The following TECRL variants were observed in gnomAD, a reference collection of about 807,000 sequenced individuals.
TECRL encodes trans-2,3-enoyl-CoA reductase like.
TECRL carries 63 observed loss-of-function variants against 52.8 expected under a neutral mutation model. The observed-to-expected ratio is 1.19, with a 90% CI of 0.97 to 1.47. The LOEUF is 1.47. Among genes scored for constraint, TECRL ranks in the 40% most tolerant of loss-of-function variants. The pLI, the probability that TECRL is intolerant of heterozygous loss-of-function variation, is 0.00. For missense variants in TECRL, 482 were observed against 429.6 expected (o/e 1.12, Z -1.08); for synonymous variants, 164 against 141.9 (o/e 1.16, Z -1.10).
chr4:64,400,000 A>T (rs1029023428), intron 1 of TECRL, among the ~76,000 whole-genome samples: 26 of 152,250 alleles, frequency 1.7e-4, no homozygotes, highest in Admixed American at 8.5e-4. Context: ...CCCAAGAATG[A>T]TATATCCACC....
rs1398512194 is a variant in TECRL, at chr4:64,280,144, T to A, written c.1020A>T (p.Lys340Asn). ...SIQMSLWAQKKHKIYLRKFNS... is the reference protein window; with the variant it reads ...SIQMSLWAQKNHKIYLRKFNS... ...TGAATTTTCTCAGATAAATCTTATG[T>A]TTCTTTTGTGCCCACAAAGACATCT... Residue 340 changes from lysine to asparagine, a missense_variant, in exon 12 of 12, where the codon AAA becomes AAT. Lys to Asn is a moderately conservative substitution (Grantham distance 94, BLOSUM62 0). Coordinates refer to ENST00000381210, the MANE Select transcript of TECRL (RefSeq NM_001010874.5). 3.1e-6 allele frequency: 5 copies of A among 1,603,938 alleles called. No individual in the cohort carries two copies. Among genetic ancestry groups the A allele is most frequent in the Non-Finnish European group, 4.3e-6 (5 of 1,175,568 alleles).
chr4:64,354,584 T>A (rs913553066), intron 2 of TECRL, among the ~76,000 whole-genome samples: 1 of 152,150 alleles, frequency 6.6e-6, no homozygotes, highest in Non-Finnish European at 1.5e-5. Flanking sequence ...TGGAGGGGCA[T>A]GATTGTTGTG....
At chr4:64,397,822 A>G (rs1198929151) in intron 1 of TECRL, 2 of 152,044 alleles carry the variant, frequency 1.3e-5, no homozygotes, top group African/African-American at 4.8e-5. Context: ...TTGGTATTTT[A>G]TATTTTTGTT....
downstream of TECRL, chr4:64,277,137 G>A (rs944585018): frequency 2.1e-5 from 19 of 886,342 alleles, 1 homozygote; most frequent in African/African-American, 2.5e-4. Context: ...CCAACAGTAA[G>A]GGAATAACTG....
intron 7 of TECRL, among the ~76,000 whole-genome samples, chr4:64,302,286 C>G (rs1375486797): frequency 6.6e-6 from 1 of 151,140 alleles, no homozygotes; most frequent in African/African-American, 2.4e-5. Context: ...CTTTATGCAG[C>G]CAAATTTGAT....
chr4:64,328,360 C>A (rs934265849), intron 3 of TECRL, 152 bp downstream of exon 3: 1 of 569,152 alleles, frequency 1.8e-6, no homozygotes, highest in Non-Finnish European at 3.0e-6. Context: ...CTAAATTATT[C>A]ATTTATAAAA....
intron 1 of TECRL, 41 bp downstream of exon 1, chr4:64,409,077 C>A: frequency 1.3e-6 from 2 of 1,489,442 alleles, no homozygotes; most frequent in Non-Finnish European, 1.8e-6. Context: ...AGAGAAGAAA[C>A]ACTTAAACAA....
At chr4:64,277,374 A>G (rs1577783367), downstream of TECRL, among the ~76,000 whole-genome samples, 1 of 151,954 alleles carries the variant, frequency 6.6e-6, no homozygotes, top group East Asian at 1.9e-4. Context: ...ATATAGCTGC[A>G]TTAGGTATAT....
intron 2 of TECRL, among the ~76,000 whole-genome samples, chr4:64,347,640 G>A (rs1328459124): frequency 6.6e-6 from 1 of 152,042 alleles, no homozygotes; most frequent in African/African-American, 2.4e-5. Flanking sequence ...TAAAGCACAC[G>A]GGAAATTGCC....
At chr4:64,313,477 T>A (rs1013444879) in intron 5 of TECRL, among the ~76,000 whole-genome samples, 1 of 4,636 alleles carries the variant, frequency 2.2e-4, no homozygotes, top group African/African-American at 2.8e-4. Context: ...GCCTTACTCC[T>A]TTTTTTTTTT....
At chr4:64,399,917 G>C (rs748573028) in intron 1 of TECRL, among the ~76,000 whole-genome samples, 17 of 152,174 alleles carry the variant, frequency 1.1e-4, no homozygotes, top group Non-Finnish European at 2.5e-4. Flanking sequence ...TGTGAAGTTG[G>C]AGTCTCCACG....
At chr4:64,385,631 C>T (rs1211464689) in intron 1 of TECRL, among the ~76,000 whole-genome samples, 2 of 152,180 alleles carry the variant, frequency 1.3e-5, no homozygotes, top group East Asian at 3.9e-4. Flanking sequence ...TGTGGAGATG[C>T]AGGGGTTGTT....
Position 64,298,489 on chromosome 4 carries a change from G to A in TECRL, c.774+1485C>T, listed in dbSNP as rs146942248. The stretch of plus-strand genomic sequence containing the variant: ...CTAATTATGCCTCTTAACATTTTAT[G>A]AAAAATATTATAACATATTTATAGT... On this transcript the variant is annotated intron_variant, in intron 8 of 11. Coordinates refer to ENST00000381210, the MANE Select transcript of TECRL (RefSeq NM_001010874.5). Among the ~76,000 whole-genome samples, 823 of 150,924 alleles carry A rather than the reference G, an allele frequency of 5.5e-3. 5 individuals carry two copies. Among genetic ancestry groups the A allele is most frequent in the African/African-American group, 0.019 (782 of 41,380 alleles).
intron 2 of TECRL, among the ~76,000 whole-genome samples, chr4:64,368,357 A>G (rs1243142666): frequency 1.3e-5 from 2 of 152,050 alleles, no homozygotes; most frequent in African/African-American, 4.8e-5. Context: ...GTGCAATGGC[A>G]TGATCTTGGC....
Position 64,314,771 on chromosome 4 carries a change from T to C in TECRL, c.436-8A>G. The C allele has an allele frequency of 6.4e-7, 1 of 1,560,454 alleles. No homozygotes were observed. The highest frequency in any genetic ancestry group is 2.2e-5 in the East Asian group (1 of 44,558). On this transcript the variant is annotated splice_polypyrimidine_tract_variant and splice_region_variant and intron_variant, in intron 4 of 11. Coordinates refer to ENST00000381210, the MANE Select transcript of TECRL (RefSeq NM_001010874.5). The stretch of plus-strand genomic sequence containing the variant: ...GTATTCAGCCAAAAACACCTGAAAA[T>C]AAAACATGATTTAGATTAAACGATA...
At chr4:64,306,764 G>A (rs946536680) in intron 6 of TECRL, among the ~76,000 whole-genome samples, 3 of 152,198 alleles carry the variant, frequency 2.0e-5, no homozygotes, top group Non-Finnish European at 4.4e-5. Context: ...TTCCATGAGA[G>A]AAGTCAGCAC....
At chr4:64,393,661 A>C (rs2109754543) in intron 1 of TECRL, among the ~76,000 whole-genome samples, 1 of 151,932 alleles carries the variant, frequency 6.6e-6, no homozygotes, top group African/African-American at 2.4e-5. Flanking sequence ...TAGTTTTACT[A>C]TCTTACAGAA....
At chr4:64,387,778 CTA>C (rs1723279736) in intron 1 of TECRL, among the ~76,000 whole-genome samples, 1 of 151,782 alleles carries the variant, frequency 6.6e-6, no homozygotes, top group Non-Finnish European at 1.5e-5. Flanking sequence ...ATTGATAAAA[CTA>C]TGTGATTTGT....
In TECRL at chr4:64,281,069, A is replaced by T; in HGVS notation, c.936T>A (p.Ser312Arg). 6.2e-7 allele frequency: 1 copy of T among 1,602,682 alleles called. No individual in the cohort carries two copies. Among genetic ancestry groups the T allele is most frequent in the South Asian group, 1.1e-5 (1 of 89,460 alleles). Residue 312 changes from serine to arginine, a missense_variant, in exon 11 of 12, where the codon AGT (serine) becomes AGA (arginine). By Grantham distance (110) the Ser-to-Arg change is moderately radical. Transcript: ENST00000381210. ...NYTYEIGSWI[S>R]FTVMTQTLPV... ...GCAGTGTTTGTGTCATGACTGTGAA[A>T]CTAATCCATGATCCAATCTGTTATA...
Sources: allele counts gnomAD v4.1 joint callset (sites outside exome capture counted in the v4.1 genomes callset), GRCh38; gene constraint gnomAD v4.1.1; transcripts MANE v1.5; gene names NCBI Gene and HGNC (gene_info 2026-07-23, HGNC 2026-07-21).